The following SLC7A8 variants were observed in gnomAD, a reference collection of about 807,000 sequenced individuals.
The protein encoded by SLC7A8 is solute carrier family 7 member 8.
A neutral mutation model predicts 51.2 loss-of-function variants in SLC7A8; 30 were observed. The ratio of observed to expected loss-of-function variants is 0.59; its 90% CI spans 0.44 to 0.80. SLC7A8 has a LOEUF of 0.80. SLC7A8 is among the 30% of genes least tolerant of loss of function. The pLI is 0.00. For missense variants in SLC7A8, 612 were observed against 674.4 expected, an observed-to-expected ratio of 0.91 and a Z score of 1.03; for synonymous variants, 257 against 275.8, an observed-to-expected ratio of 0.93 and a Z score of 0.67.
At chr14:23,148,305 T>C (rs960005985) in intron 3 of SLC7A8, among the ~76,000 whole-genome samples, 159 of 152,306 alleles carry the variant, frequency 1.0e-3, no homozygotes, top group Non-Finnish European at 4.0e-4. Context: ...CTCAGCTCTC[T>C]GCAACCTCTG....
At chr14:23,171,129 A>G (rs1169123382) in intron 1 of SLC7A8, among the ~76,000 whole-genome samples, 1 of 152,178 alleles carries the variant, frequency 6.6e-6, no homozygotes, top group Non-Finnish European at 1.5e-5. Context: ...GCCACTTAGA[A>G]TGAGACGCAC....
intron 3 of SLC7A8, chr14:23,155,310 C>G: frequency 6.5e-7 from 1 of 1,535,858 alleles, no homozygotes; most frequent in Non-Finnish European, 8.7e-7. Flanking sequence ...TGGAGGCACA[C>G]AGCTTTTACC....
chr14:23,144,350 T>A (rs1216334721), intron 3 of SLC7A8, among the ~76,000 whole-genome samples: 7 of 150,808 alleles, frequency 4.6e-5, no homozygotes, highest in South Asian at 2.1e-4. Flanking sequence ...AATTTTTTTT[T>A]TTTTTTTTTT....
chr14:23,131,454 C>T lies in SLC7A8; in HGVS notation c.1113+7G>A. On this transcript the variant is annotated splice_region_variant and intron_variant, in intron 8 of 10. Transcript: ENST00000316902. ...GTGTGGAGAGTTACAGCAGGAAGGG[C>T]CCTTACTGTGAAGAGCAGGGCTGGG... The T allele has an allele frequency of 6.3e-7, 1 of 1,585,322 alleles. No individual in the cohort carries two copies. Among genetic ancestry groups the T allele is most frequent in the Non-Finnish European group, 8.6e-7 (1 of 1,166,170 alleles).
intron 3 of SLC7A8, among the ~76,000 whole-genome samples, chr14:23,160,920 T>C (rs1194493821): frequency 1.3e-5 from 2 of 151,646 alleles, no homozygotes; most frequent in African/African-American, 4.8e-5. Context: ...AAAGGCTTTT[T>C]ATTTAATTAA....
At chr14:23,131,588 A>T in intron 7 of SLC7A8, 31 bp from the exon 8 acceptor site, 1 of 1,544,474 alleles carries the variant, frequency 6.5e-7, no homozygotes, top group Non-Finnish European at 8.8e-7. Flanking sequence ...TCAGCCTGGG[A>T]TAACCCAGGG....
chr14:23,152,663 C>A (rs2048857764), intron 3 of SLC7A8, among the ~76,000 whole-genome samples: 1 of 152,204 alleles, frequency 6.6e-6, no homozygotes, highest in Non-Finnish European at 1.5e-5. Context: ...GAGCCACCTG[C>A]CTTGGCCTCC....
At chr14:23,147,567 T>C (rs908590049) in intron 3 of SLC7A8, among the ~76,000 whole-genome samples, 1 of 152,204 alleles carries the variant, frequency 6.6e-6, no homozygotes, top group Non-Finnish European at 1.5e-5. Flanking sequence ...TAAGACTGGT[T>C]CTTGTCCGTT....
At chr14:23,159,826 A>C (rs1370951491) in intron 3 of SLC7A8, among the ~76,000 whole-genome samples, 1 of 152,256 alleles carries the variant, frequency 6.6e-6, no homozygotes, top group East Asian at 1.9e-4. Flanking sequence ...AAGAAGAGCT[A>C]TCTGAAGCCC....
At position 23,128,365 on chromosome 14, in the gene SLC7A8, C is replaced by T. The variant is rs774416007; in HGVS notation, c.1264-169G>A. 3 of 1,534,310 alleles carry T rather than the reference C, an allele frequency of 2.0e-6. No homozygotes were observed. Among genetic ancestry groups the T allele is most frequent in the Non-Finnish European group, 2.6e-6 (3 of 1,144,602 alleles). On this transcript the variant is annotated intron_variant, in intron 9 of 10. Coordinates refer to ENST00000316902, the MANE Select transcript of SLC7A8 (RefSeq NM_012244.4). The surrounding 1 kb of genome is among the most constrained non-coding windows in gnomAD (Gnocchi z 4.3). ...ACACTCACCCCTGGTAGGGCAGGGG[C>T]TATATAAACAAATGTTGATGAACAT...
chr14:23,165,199 C>T lies in SLC7A8; in HGVS notation c.508+86G>A. On this transcript the variant is annotated intron_variant, in intron 3 of 10. Coordinates refer to ENST00000316902, the MANE Select transcript of SLC7A8 (RefSeq NM_012244.4). The surrounding 1 kb of genome is among the most constrained non-coding windows in gnomAD (Gnocchi z 4.2). Reference sequence around the variant, plus strand: ...TGCGGCTGCGCTCCAGCCTGAGTGACAGAGTGAAGACTCTGTTTCTAAAAA... The same window carrying T: ...TGCGGCTGCGCTCCAGCCTGAGTGATAGAGTGAAGACTCTGTTTCTAAAAA... The T allele has an allele frequency of 7.4e-7, 1 of 1,345,422 alleles. No homozygotes were observed. Among genetic ancestry groups the T allele is most frequent in the Non-Finnish European group, 9.8e-7 (1 of 1,022,538 alleles). 83.3% of individuals were successfully genotyped at this position (1,345,422 alleles called of 1,614,324 possible).
intron 3 of SLC7A8, among the ~76,000 whole-genome samples, chr14:23,152,331 A>G (rs1468619035): frequency 2.0e-5 from 3 of 151,912 alleles, no homozygotes. Flanking sequence ...GGGTTTCGCC[A>G]TGTTGCCCAG....
chr14:23,171,585 A>G (rs2268873), intron 1 of SLC7A8, among the ~76,000 whole-genome samples: 34,424 of 152,028 alleles, frequency 0.23, 4,122 homozygotes, highest in East Asian at 0.46. Flanking sequence ...GGCCTTCCTT[A>G]CTCATGCTAG....
At chr14:23,169,922 G>A (rs1344660405) in intron 1 of SLC7A8, among the ~76,000 whole-genome samples, 1 of 152,136 alleles carries the variant, frequency 6.6e-6, no homozygotes, top group Non-Finnish European at 1.5e-5. Context: ...ATAATAAAAG[G>A]TCTTCCTAAT....
At chr14:23,177,410 G>A (rs1469185434) in intron 1 of SLC7A8, among the ~76,000 whole-genome samples, 1 of 152,234 alleles carries the variant, frequency 6.6e-6, no homozygotes, top group Non-Finnish European at 1.5e-5. Flanking sequence ...TCTATTTCCT[G>A]TATGTCACTT....
At chr14:23,143,259 G>A in intron 3 of SLC7A8, 55 bp from the exon 4 acceptor site, 1 of 1,602,890 alleles carries the variant, frequency 6.2e-7, no homozygotes, top group Non-Finnish European at 8.5e-7. Context: ...GCTGCATGAT[G>A]CCCAAGGCAC....
chr14:23,131,395 T>A, intron 8 of SLC7A8, 66 bp downstream of exon 8: 1 of 1,348,448 alleles, frequency 7.4e-7, no homozygotes, highest in Non-Finnish European at 1.0e-6. Context: ...AAGCATGAAC[T>A]CCCAGCTTAG....
At chr14:23,146,380 C>T (rs1594827752) in intron 3 of SLC7A8, among the ~76,000 whole-genome samples, 2 of 152,120 alleles carry the variant, frequency 1.3e-5, no homozygotes, top group East Asian at 1.9e-4. Context: ...GAAATTCCTC[C>T]TCCCCCAAGC....
chr14:23,150,993 G>C (rs898358974), intron 3 of SLC7A8, among the ~76,000 whole-genome samples: 6 of 152,240 alleles, frequency 3.9e-5, no homozygotes, highest in African/African-American at 1.4e-4. Context: ...CAGAAGCCCA[G>C]ATGGTCAAAC....
Sources: allele counts gnomAD v4.1 joint callset (sites outside exome capture counted in the v4.1 genomes callset), GRCh38; gene constraint gnomAD v4.1.1; non-coding constraint Gnocchi (gnomAD v3.1); transcripts MANE v1.5; gene names NCBI Gene and HGNC (gene_info 2026-07-23, HGNC 2026-07-21).